Variants in DYNC2H1 observed in about 807,000 individuals in gnomAD.
DYNC2H1 encodes the protein dynein cytoplasmic 2 heavy chain 1.
Under a neutral mutation model 570.0 loss-of-function variants are expected in DYNC2H1, and 410 were observed. The observed-to-expected ratio is 0.72, with a 90% confidence interval of 0.66 to 0.78. DYNC2H1 has a LOEUF of 0.78. DYNC2H1 is among the 30% of genes least tolerant of loss of function. DYNC2H1 has a pLI of 0.00. For missense variants in DYNC2H1, 4,865 were observed against 5,046.4 expected (o/e 0.96, Z 1.09); for synonymous variants, 1,688 against 1,677.6 (o/e 1.01, Z -0.15).
chr11:103,148,731 G>A (rs1002664262), intron 20 of DYNC2H1, 114 bp downstream of exon 20: 1 of 1,283,638 alleles, frequency 7.8e-7, no homozygotes, highest in Non-Finnish European at 1.0e-6. Flanking sequence ...TTATAAGGAG[G>A]TCCACAATAG....
At chr11:103,434,975 G>A (rs1405620962) in intron 84 of DYNC2H1, among the ~76,000 whole-genome samples, 1 of 152,120 alleles carries the variant, frequency 6.6e-6, no homozygotes, top group Admixed American at 6.6e-5. Context: ...CAGGAGCACA[G>A]ACCTCAAGTC....
intron 85 of DYNC2H1, among the ~76,000 whole-genome samples, chr11:103,447,118 T>G (rs1382339454): frequency 2.0e-5 from 3 of 152,134 alleles, no homozygotes; most frequent in Non-Finnish European, 4.4e-5. Flanking sequence ...TACCTGAGAT[T>G]TCCTCCACAA....
chr11:103,210,445 A>T (rs1175956231), intron 53 of DYNC2H1, among the ~76,000 whole-genome samples: 5 of 146,910 alleles, frequency 3.4e-5, no homozygotes, highest in African/African-American at 4.9e-5. Context: ...ATAGCTTATT[A>T]ACTTATTTAT....
intron 82 of DYNC2H1, among the ~76,000 whole-genome samples, chr11:103,331,351 A>T (rs1444975306): frequency 6.6e-6 from 1 of 152,118 alleles, no homozygotes; most frequent in Non-Finnish European, 1.5e-5. Context: ...TTTGTACCAG[A>T]AACCTTGGGG....
intron 54 of DYNC2H1, among the ~76,000 whole-genome samples, chr11:103,215,010 A>G (rs976248519): frequency 1.3e-5 from 2 of 151,980 alleles, no homozygotes; most frequent in Non-Finnish European, 2.9e-5. Context: ...TGTATCCTGC[A>G]GCTTTACCGA....
intron 63 of DYNC2H1, among the ~76,000 whole-genome samples, chr11:103,237,378 T>C (rs79124228): frequency 0.027 from 4,050 of 152,092 alleles, 181 homozygotes; most frequent in African/African-American, 0.091. Context: ...ATAAGATTTA[T>C]ATTTTAGGTG....
At chr11:103,278,767 A>G (rs867986818) in intron 70 of DYNC2H1, among the ~76,000 whole-genome samples, 2 of 152,122 alleles carry the variant, frequency 1.3e-5, no homozygotes, top group South Asian at 4.1e-4. Flanking sequence ...GATTTTCACC[A>G]TGTTGGCCAG....
At chr11:103,115,080 G>A in intron 3 of DYNC2H1, 97 bp from the exon 4 acceptor site, 1 of 779,692 alleles carries the variant, frequency 1.3e-6, no homozygotes, top group Non-Finnish European at 2.1e-6. Context: ...GAGCATATGT[G>A]TTAGATGACT....
Position 103,319,386 on chromosome 11 carries a change from G to A in DYNC2H1, c.11726-1643G>A, listed in dbSNP as rs1938043986. ...CTCTTGGGAACAATTGGTATTGAGA[G>A]TAATAGCCATGCGACCTAGAGCAAG... On this transcript the variant is annotated intron_variant, in intron 80 of 88. Coordinates refer to ENST00000375735, the MANE Select transcript of DYNC2H1 (RefSeq NM_001377.3). This position sits in a 1 kb window ranked among gnomAD's most constrained non-coding sequence, Gnocchi z 4.3. Among the ~76,000 whole-genome samples, 1 of 152,118 alleles carries A rather than the reference G, an allele frequency of 6.6e-6. No individual in the cohort carries two copies. Among genetic ancestry groups the A allele is most frequent in the South Asian group, 2.1e-4 (1 of 4,834 alleles).
chr11:103,163,192 A>C lies in DYNC2H1; in HGVS notation c.4611+45A>C, dbSNP rs1260447085. 5.2e-6 allele frequency: 8 copies of C among 1,550,590 alleles called. No individual in the cohort carries two copies. Among genetic ancestry groups the C allele is most frequent in the Admixed American group, 3.8e-5 (2 of 52,792 alleles). ...GAAGCTACATAGGCATGGAACGTGGAAAGATCCCTGACCTAGAAGCCAGGA... is the reference window on the plus strand; with the variant it reads ...GAAGCTACATAGGCATGGAACGTGGCAAGATCCCTGACCTAGAAGCCAGGA... On this transcript the variant is annotated intron_variant, in intron 30 of 88. Coordinates refer to ENST00000375735, the MANE Select transcript of DYNC2H1 (RefSeq NM_001377.3). The surrounding 1 kb of genome is among the most constrained non-coding windows in gnomAD (Gnocchi z 4.6).
Position 103,256,328 on chromosome 11 carries a change from G to A in DYNC2H1, c.10461+88G>A. The A allele has an allele frequency of 7.7e-7, 1 of 1,302,390 alleles. No individual in the cohort carries two copies. The highest frequency in any genetic ancestry group is 1.0e-6 in the Non-Finnish European group (1 of 954,904). The allele number at this position is 1,302,390 out of a possible 1,614,324, so 80.7% of individuals were successfully genotyped here. On this transcript the variant is annotated intron_variant, in intron 68 of 88. Coordinates refer to ENST00000375735, the MANE Select transcript of DYNC2H1 (RefSeq NM_001377.3). This position sits in a 1 kb window ranked among gnomAD's most constrained non-coding sequence, Gnocchi z 4.0. Reference sequence around the variant, plus strand: ...AGAAAATGTAGAATCAGGTCCTCAGGGGAAAGATGATGTGAAAAGAAAAAA... The same window carrying A: ...AGAAAATGTAGAATCAGGTCCTCAGAGGAAAGATGATGTGAAAAGAAAAAA...
chr11:103,321,321 T>C (rs1382804485), intron 81 of DYNC2H1, 84 bp downstream of exon 81: 1 of 1,184,434 alleles, frequency 8.4e-7, no homozygotes, highest in Non-Finnish European at 1.2e-6. Context: ...GTTACTTCTT[T>C]TCAAATGCAC....
chr11:103,111,764 C>T (rs930604038), intron 1 of DYNC2H1, among the ~76,000 whole-genome samples: 3 of 152,028 alleles, frequency 2.0e-5, no homozygotes, highest in Non-Finnish European at 4.4e-5. Context: ...GTACACTTCG[C>T]TACAGGTTTT....
intron 17 of DYNC2H1, 142 bp downstream of exon 17, chr11:103,136,090 A>T: frequency 1.6e-6 from 1 of 631,676 alleles, no homozygotes; most frequent in East Asian, 3.2e-5. Flanking sequence ...ATTCGTAGAT[A>T]CTTATACAAC....
chr11:103,398,826 A>T (rs1286900795), intron 83 of DYNC2H1, among the ~76,000 whole-genome samples: 1 of 152,144 alleles, frequency 6.6e-6, no homozygotes, highest in Non-Finnish European at 1.5e-5. Flanking sequence ...CATATATCAC[A>T]GGCCTTGTTA....
At chr11:103,365,679 A>G (rs1004101419) in intron 83 of DYNC2H1, among the ~76,000 whole-genome samples, 3 of 152,342 alleles carry the variant, frequency 2.0e-5, no homozygotes, top group African/African-American at 7.2e-5. Flanking sequence ...ATATAGCACT[A>G]TAATTCTTTA....
intron 43 of DYNC2H1, 147 bp downstream of exon 43, chr11:103,187,733 G>C: frequency 2.0e-6 from 2 of 1,023,336 alleles, no homozygotes; most frequent in Non-Finnish European, 2.8e-6. Flanking sequence ...CTTCAGTCTT[G>C]TTCCAGTTCT....
Position 103,185,002 on chromosome 11 carries a change from G to T in DYNC2H1, c.6584G>T (p.Gly2195Val). 1 of 1,610,264 alleles carries T rather than the reference G, an allele frequency of 6.2e-7. No individual in the cohort carries two copies. Among genetic ancestry groups the T allele is most frequent in the Non-Finnish European group, 8.5e-7 (1 of 1,177,532 alleles). The stretch of plus-strand genomic sequence containing the variant: ...GAATTCATTATTAATCTCATAAGGG[G>T]ACTTGGTGGAAATCTGAATATGAAG... Reference protein sequence around the residue: ...HDEFIINLIRGLGGNLNMKSR... With the variant: ...HDEFIINLIRVLGGNLNMKSR... The change falls in exon 41 of 89, where the codon GGA (glycine) becomes GTA (valine). Residue 2195 changes from glycine to valine, a missense_variant. Physicochemically the swap from Gly to Val is moderately radical, Grantham distance 109. Transcript: ENST00000375735. This position sits in a 1 kb window ranked among gnomAD's most constrained non-coding sequence, Gnocchi z 4.5.
intron 73 of DYNC2H1, among the ~76,000 whole-genome samples, chr11:103,283,841 G>T (rs1260525158): frequency 2.0e-5 from 3 of 150,942 alleles, no homozygotes; most frequent in Non-Finnish European, 4.4e-5. Flanking sequence ...TAAAAGAAAT[G>T]AAAAAAAGGG....
Sources: allele counts gnomAD v4.1 joint callset (sites outside exome capture counted in the v4.1 genomes callset), GRCh38; gene constraint gnomAD v4.1.1; non-coding constraint Gnocchi (gnomAD v3.1); transcripts MANE v1.5; gene names NCBI Gene and HGNC (gene_info 2026-07-23, HGNC 2026-07-21).